The following RAE1 variants were observed in gnomAD, a reference collection of about 807,000 sequenced individuals.
RAE1 encodes the protein mRNA export factor RAE1.
In RAE1, 13 loss-of-function variants were observed where a neutral mutation model predicts 52.7. The observed-to-expected ratio is 0.25, with a 90% CI of 0.16 to 0.39. The LOEUF is 0.39. Among genes scored for constraint, RAE1 ranks in the 10% least tolerant of loss-of-function variants. The probability of loss-of-function intolerance (pLI) is 1.00; values close to 1 mark genes in which losing one functional copy is unlikely to be tolerated. For synonymous variants in RAE1, 164 were observed against 153.1 expected, an observed-to-expected ratio of 1.07 and a Z score of -0.52; for missense variants, 262 against 459.8, an observed-to-expected ratio of 0.57 and a Z score of 3.93.
chr20:57,354,256 G>A (rs749485819), intron 2 of RAE1, 128 bp downstream of exon 2: 3 of 749,726 alleles, frequency 4.0e-6, no homozygotes, highest in Non-Finnish European at 6.5e-6. Context: ...TCTAACTCAT[G>A]TTTCTGAAAC....
intron 8 of RAE1, chr20:57,371,047 C>T (rs1159598213): frequency 6.6e-6 from 1 of 152,230 alleles, no homozygotes; most frequent in Non-Finnish European, 1.5e-5. Flanking sequence ...CTCCCCTCTA[C>T]CCTGAAATTA....
chr20:57,365,087 GAGAA>G (rs1293289845), intron 4 of RAE1, among the ~76,000 whole-genome samples: 2 of 152,198 alleles, frequency 1.3e-5, no homozygotes, highest in African/African-American at 4.8e-5. Context: ...TCAGGGACAA[GAGAA>G]AGAGTTTGTT....
At chr20:57,357,821 T>G (rs1287924455) in intron 4 of RAE1, 1 of 152,214 alleles carries the variant, frequency 6.6e-6, no homozygotes, top group African/African-American at 2.4e-5. Flanking sequence ...AGTGTGGGGA[T>G]AAATCATATT....
At chr20:57,373,277 T>C in intron 8 of RAE1, 198 bp from the exon 9 acceptor site, 1 of 595,186 alleles carries the variant, frequency 1.7e-6, no homozygotes. Context: ...GCACAGGGTG[T>C]GCAGTTGGGT....
At chr20:57,360,078 TC>T (rs1295960208) in intron 4 of RAE1, 1 of 152,230 alleles carries the variant, frequency 6.6e-6, no homozygotes, top group Non-Finnish European at 1.5e-5. Context: ...AAGCGCACTT[TC>T]CAGTATGCTT....
At chr20:57,356,733 G>T (rs1486952899) in intron 4 of RAE1, among the ~76,000 whole-genome samples, 195 bp downstream of exon 4, 1 of 152,160 alleles carries the variant, frequency 6.6e-6, no homozygotes, top group African/African-American at 2.4e-5. Flanking sequence ...AGCTTTTCTT[G>T]TATTAAATTT....
intron 1 of RAE1, among the ~76,000 whole-genome samples, chr20:57,353,727 T>C (rs1316132952): frequency 6.6e-6 from 1 of 152,216 alleles, no homozygotes; most frequent in African/African-American, 2.4e-5. Context: ...TACAAAATAA[T>C]CTGCAATGTA....
In RAE1 at chr20:57,378,421, G is replaced by C. The variant is rs188942682; in HGVS notation, c.*322G>C. Reference sequence around the variant, plus strand: ...TATTGGAAAAGCGTCTGTGAGCCCCGTGCTGTATTTTGTAATAAAGTCTTT... The same window carrying C: ...TATTGGAAAAGCGTCTGTGAGCCCCCTGCTGTATTTTGTAATAAAGTCTTT... On this transcript the variant is annotated 3_prime_UTR_variant, in exon 12 of 12. Transcript: ENST00000395841. The C allele has an allele frequency of 7.1e-5, 19 of 267,542 alleles. No individual in the cohort carries two copies. The highest frequency in any genetic ancestry group is 3.5e-4 in the African/African-American group (16 of 45,788). 16.6% of individuals were successfully genotyped at this position (267,542 alleles called of 1,614,324 possible). A position where few individuals can be genotyped will look rare whatever the true frequency, so the allele number is the denominator to read the frequency against.
intron 1 of RAE1, among the ~76,000 whole-genome samples, chr20:57,352,630 C>T (rs1213697490): frequency 6.6e-6 from 1 of 152,184 alleles, no homozygotes; most frequent in African/African-American, 2.4e-5. Context: ...CAGAAATGTT[C>T]TCTCCCAACT....
At chr20:57,373,607 G>T (rs2067068163) in intron 9 of RAE1, 26 bp downstream of exon 9, 1 of 1,613,114 alleles carries the variant, frequency 6.2e-7, no homozygotes, top group South Asian at 1.1e-5. Context: ...TCAGCTTGCA[G>T]ATTTCACTGG....
At chr20:57,355,450 C>T (rs1414108565) in intron 3 of RAE1, among the ~76,000 whole-genome samples, 1 of 152,054 alleles carries the variant, frequency 6.6e-6, no homozygotes, top group Non-Finnish European at 1.5e-5. Context: ...TAAGCTGAAA[C>T]CCTGCATGTA....
chr20:57,369,852 C>G (rs1274123720), intron 8 of RAE1, among the ~76,000 whole-genome samples: 4 of 152,326 alleles, frequency 2.6e-5, no homozygotes, highest in East Asian at 1.9e-4. Context: ...TCCTCTTTCT[C>G]CTGCCAGATC....
chr20:57,367,174 A>T lies in RAE1; in HGVS notation c.534+95A>T, dbSNP rs1443292521. Reference sequence around the variant, plus strand: ...GTCCTGCAGTTAGTGAGTGGATAATATAAAAATCCTGCTAGCTTTAGTAAT... The same window carrying T: ...GTCCTGCAGTTAGTGAGTGGATAATTTAAAAATCCTGCTAGCTTTAGTAAT... On this transcript the variant is annotated intron_variant, in intron 7 of 11. Coordinates refer to ENST00000395841, the MANE Select transcript of RAE1 (RefSeq NM_003610.4). 1.2e-5 allele frequency: 13 copies of T among 1,089,182 alleles called. No individual in the cohort carries two copies. The Admixed American group carries it at 3.1e-4, about 26-fold the overall frequency. 67.5% of individuals were successfully genotyped at this position (1,089,182 alleles called of 1,614,324 possible). A position where few individuals can be genotyped will look rare whatever the true frequency, so the allele number is the denominator to read the frequency against.
intron 8 of RAE1, among the ~76,000 whole-genome samples, chr20:57,370,613 C>T (rs1187317864): frequency 6.6e-6 from 1 of 152,234 alleles, no homozygotes; most frequent in Non-Finnish European, 1.5e-5. Context: ...GTATCCCACA[C>T]CAAACCCAAG....
intron 8 of RAE1, chr20:57,372,311 G>C (rs139856831): frequency 1.3e-5 from 2 of 151,990 alleles, no homozygotes; most frequent in East Asian, 3.9e-4. Context: ...TTTCCTTTTG[G>C]TTGAATCCAA....
chr20:57,357,613 G>T (rs1343840300), intron 4 of RAE1: 1 of 152,160 alleles, frequency 6.6e-6, no homozygotes, highest in African/African-American at 2.4e-5. Context: ...TAAATTTGTG[G>T]TATAGAGTTC....
intron 4 of RAE1, among the ~76,000 whole-genome samples, chr20:57,361,362 AC>A (rs2066889822): frequency 6.6e-6 from 1 of 152,308 alleles, no homozygotes; most frequent in African/African-American, 2.4e-5. Flanking sequence ...TTAGAAAATT[AC>A]ATCAATCGAG....
In RAE1 at chr20:57,366,787, T is replaced by C. The variant is rs2066960795; in HGVS notation, c.376-20T>C. ...TTCTTACATTTACCTTGATCTGTTT[T>C]GTTTTTGTCTTGTTGAAAGCATGAT... is the stretch of plus-strand genomic sequence containing the variant. On this transcript the variant is annotated intron_variant, in intron 5 of 11. Coordinates refer to ENST00000395841, the MANE Select transcript of RAE1 (RefSeq NM_003610.4). 6.3e-7 allele frequency: 1 copy of C among 1,582,998 alleles called. No individual in the cohort carries two copies. Among genetic ancestry groups the C allele is most frequent in the Non-Finnish European group, 8.7e-7 (1 of 1,151,982 alleles).
chr20:57,351,774 C>A, intron 1 of RAE1: 2 of 985,486 alleles, frequency 2.0e-6, no homozygotes, highest in South Asian at 4.7e-5. Context: ...AGAAGGGCGT[C>A]CCCTTTTAGC....
Sources: gnomAD v4.1 joint callset for allele counts (sites outside exome capture counted in the v4.1 genomes callset) on GRCh38, gnomAD v4.1.1 for gene constraint, MANE v1.5 for transcripts, NCBI Gene and HGNC (gene_info 2026-07-23, HGNC 2026-07-21) for gene names.